EDF1: variants seen among roughly 807,000 people sequenced by gnomAD.
EDF1 encodes the protein endothelial differentiation related factor 1, also known as endothelial differentiation-related factor 1.
In EDF1, 5 loss-of-function variants were observed where a neutral mutation model predicts 20.8. The ratio of observed to expected loss-of-function variants is 0.24; its 90% CI spans 0.13 to 0.51. The LOEUF is 0.51. Ranked by LOEUF, EDF1 falls within the 20% of genes least tolerant of loss-of-function variation. The pLI, the probability that EDF1 is intolerant of heterozygous loss-of-function variation, is 0.97. For synonymous variants in EDF1, 96 were observed against 78.5 expected (o/e 1.22, Z -1.18); for missense variants, 137 against 197.8 (o/e 0.69, Z 1.84).
Position 136,863,701 on chromosome 9 carries a change from A to G in EDF1, c.130+119T>C, listed in dbSNP as rs1485435604. The G allele has an allele frequency of 1.1e-5, 14 of 1,323,042 alleles. No homozygotes were observed. The highest frequency in any genetic ancestry group is 1.5e-5 in the African/African-American group (1 of 68,658). 82.0% of individuals were successfully genotyped at this position (1,323,042 alleles called of 1,614,324 possible). A position where few individuals can be genotyped will look rare whatever the true frequency, so the allele number is the denominator to read the frequency against. ...GCTGCCTCCCAGGGCTCCGGCCAGC[A>G]CCGGTGCAGGCAGGCACTCAGCTGA... On this transcript the variant is annotated intron_variant, in intron 2 of 4. Transcript: ENST00000224073. This position sits in a 1 kb window ranked among gnomAD's most constrained non-coding sequence, Gnocchi z 4.5.
At position 136,862,617 on chromosome 9, in the gene EDF1, C is replaced by T. The variant is rs560052662; in HGVS notation, c.386-272G>A. On this transcript the variant is annotated intron_variant, in intron 4 of 4. Transcript: ENST00000224073. The surrounding 1 kb of genome is among the most constrained non-coding windows in gnomAD (Gnocchi z 4.1). ...CTTCCGGCCCCATGCTGACAGGGCC[C>T]GGACCCGCTGTGCTCAGGCTCAGAG... 25 of 1,526,450 alleles carry T rather than the reference C, an allele frequency of 1.6e-5. No homozygotes were observed. The African/African-American group carries it at 2.1e-4, about 13-fold the overall frequency. The allele number at this position is 1,526,450 out of a possible 1,614,324, so 94.6% of individuals were successfully genotyped here. A position where few individuals can be genotyped will look rare whatever the true frequency, so the allele number is the denominator to read the frequency against.
rs749782995 is a variant in EDF1 at position 136,862,861 on chromosome 9, GCC to G, written c.385+43_385+44del. The G allele has an allele frequency of 2.4e-5, 39 of 1,612,072 alleles. 1 individual carries two copies. In the Admixed American group the frequency reaches 3.2e-4, roughly 13 times the overall value. On this transcript the variant is annotated intron_variant, in intron 4 of 4. Transcript: ENST00000224073. The surrounding 1 kb of genome is among the most constrained non-coding windows in gnomAD (Gnocchi z 4.1). ...CACCAACCCCAGCTGGGAGCGGGTAGCCTCCCTGTTCAGCGGACCCGGCGAAG... is the reference window on the plus strand; with the variant it reads ...CACCAACCCCAGCTGGGAGCGGGTAGTCCCTGTTCAGCGGACCCGGCGAAG...
At position 136,863,875 on chromosome 9, in the gene EDF1, G is replaced by A; in HGVS notation, c.79-4C>T. 6.2e-7 allele frequency: 1 copy of A among 1,613,778 alleles called. No homozygotes were observed. The highest frequency in any genetic ancestry group is 1.1e-5 in the South Asian group (1 of 91,086). On this transcript the variant is annotated splice_polypyrimidine_tract_variant and splice_region_variant and intron_variant, in intron 1 of 4. Transcript: ENST00000224073. The surrounding 1 kb of genome is among the most constrained non-coding windows in gnomAD (Gnocchi z 4.5). ...GTCTCTGTGCCGCTAAGATAGCCTAGAAAATTAGAAAACATCAGTGGATCA... is the reference window on the plus strand; with the variant it reads ...GTCTCTGTGCCGCTAAGATAGCCTAAAAAATTAGAAAACATCAGTGGATCA...
At position 136,864,814 on chromosome 9, in the gene EDF1, G is replaced by A. The variant is rs186909785; in HGVS notation, c.79-943C>T. 4.9e-3 allele frequency among the ~76,000 whole-genome samples: 746 copies of A among 152,086 alleles called. 7 individuals carry two copies. Among genetic ancestry groups the A allele is most frequent in the African/African-American group, 0.017 (714 of 41,458 alleles). On this transcript the variant is annotated intron_variant, in intron 1 of 4. Transcript: ENST00000224073. Reference sequence around the variant, plus strand: ...AATTTTTTGTATTTTTAGTAGAGACGGGGTTTCACCATCTTGGCCAGGCTG... The same window carrying A: ...AATTTTTTGTATTTTTAGTAGAGACAGGGTTTCACCATCTTGGCCAGGCTG...
In EDF1 at chr9:136,862,494, C is replaced by T; in HGVS notation, c.386-149G>A. The T allele has an allele frequency of 6.2e-7, 1 of 1,612,010 alleles. No homozygotes were observed. The highest frequency in any genetic ancestry group is 8.5e-7 in the Non-Finnish European group (1 of 1,179,838). Reference sequence around the variant, plus strand: ...AGCACACGAGCACTCCTGGTTCCCACATCTAATTTTGAAGAGGATGAGTCT... The same window carrying T: ...AGCACACGAGCACTCCTGGTTCCCATATCTAATTTTGAAGAGGATGAGTCT... On this transcript the variant is annotated intron_variant, in intron 4 of 4. Transcript: ENST00000224073. The surrounding 1 kb of genome is among the most constrained non-coding windows in gnomAD (Gnocchi z 4.1).
At position 136,863,347 on chromosome 9, in the gene EDF1, C is replaced by T. The variant is rs1430737660; in HGVS notation, c.232G>A (p.Gly78Ser). 1 of 1,614,096 alleles carries T rather than the reference C, an allele frequency of 6.2e-7. No individual in the cohort carries two copies. Among genetic ancestry groups the T allele is most frequent in the East Asian group, 2.2e-5 (1 of 44,890 alleles). ...LHHDRVTLEV[G>S]KVIQQGRQSK... Reference sequence around the variant, plus strand: ...TGCCGACCTTGCTGGATCACCTTGCCCACCTCCAGGGTCACCCTGTCATGG... The same window carrying T: ...TGCCGACCTTGCTGGATCACCTTGCTCACCTCCAGGGTCACCCTGTCATGG... The change falls in exon 3 of 5, where the codon GGC becomes AGC. Residue 78 changes from glycine to serine, a missense_variant. Gly to Ser is a moderately conservative substitution (Grantham distance 56, BLOSUM62 0). Transcript: ENST00000224073. This position sits in a 1 kb window ranked among gnomAD's most constrained non-coding sequence, Gnocchi z 4.5.
In EDF1 at chr9:136,862,444, C is replaced by T. The variant is rs773070389; in HGVS notation, c.386-99G>A. The T allele has an allele frequency of 5.6e-6, 9 of 1,613,584 alleles. No homozygotes were observed. The highest frequency in any genetic ancestry group is 1.7e-4 in the Middle Eastern group (1 of 6,060). Reference sequence around the variant, plus strand: ...TCTTCCCAGGGAAGGGGGGCCACGCCGCTCCCGTGCCTCACTGGGCTCTCA... The same window carrying T: ...TCTTCCCAGGGAAGGGGGGCCACGCTGCTCCCGTGCCTCACTGGGCTCTCA... On this transcript the variant is annotated intron_variant, in intron 4 of 4. Coordinates refer to ENST00000224073, the MANE Select transcript of EDF1 (RefSeq NM_003792.4). The surrounding 1 kb of genome is among the most constrained non-coding windows in gnomAD (Gnocchi z 4.1).
At position 136,864,950 on chromosome 9, in the gene EDF1, C is replaced by T. The variant is rs569747383; in HGVS notation, c.79-1079G>A. ...CATTTCTACCACTTCAGAGGAGTGACTTGTGGAGCATCCTAAGTGTGATCT... is the reference window on the plus strand; with the variant it reads ...CATTTCTACCACTTCAGAGGAGTGATTTGTGGAGCATCCTAAGTGTGATCT... On this transcript the variant is annotated intron_variant, in intron 1 of 4. Coordinates refer to ENST00000224073, the MANE Select transcript of EDF1 (RefSeq NM_003792.4). Among the ~76,000 whole-genome samples the T allele has an allele frequency of 6.6e-5, 10 of 152,340 alleles. No homozygotes were observed. In the South Asian group the frequency reaches 2.1e-3, roughly 32 times the overall value.
chr9:136,864,630 C>A (rs956506059), intron 1 of EDF1, among the ~76,000 whole-genome samples: 2 of 146,578 alleles, frequency 1.4e-5, no homozygotes, highest in African/African-American at 5.0e-5. Context: ...TATTTATTAA[C>A]TTTTTTTTTT....
chr9:136,863,482 G>T lies in EDF1; in HGVS notation c.131-34C>A, dbSNP rs778714225. Reference sequence around the variant, plus strand: ...GGTGTGAGGCAAAAGCAGAGGAGAGGATTTGGAATTAACCTGAAGAAAAAC... The same window carrying T: ...GGTGTGAGGCAAAAGCAGAGGAGAGTATTTGGAATTAACCTGAAGAAAAAC... On this transcript the variant is annotated intron_variant, in intron 2 of 4. Coordinates refer to ENST00000224073, the MANE Select transcript of EDF1 (RefSeq NM_003792.4). This position sits in a 1 kb window ranked among gnomAD's most constrained non-coding sequence, Gnocchi z 4.5. 1 of 1,598,660 alleles carries T rather than the reference G, an allele frequency of 6.3e-7. No homozygotes were observed. The highest frequency in any genetic ancestry group is 8.6e-7 in the Non-Finnish European group (1 of 1,169,424).
Position 136,862,396 on chromosome 9 carries a change from C to G in EDF1, c.386-51G>C, listed in dbSNP as rs756005713. 3 of 1,613,966 alleles carry G rather than the reference C, an allele frequency of 1.9e-6. No homozygotes were observed. The South Asian group carries it at 3.3e-5, about 18-fold the overall frequency. On this transcript the variant is annotated intron_variant, in intron 4 of 4. Transcript: ENST00000224073. This position sits in a 1 kb window ranked among gnomAD's most constrained non-coding sequence, Gnocchi z 4.1. The stretch of plus-strand genomic sequence containing the variant: ...ACTGCAGCACCAGCTCCCTCCTCCC[C>G]CCAACGCTGCCCCTCTTCAACATCT...
At position 136,862,166 on chromosome 9, in the gene EDF1, G is replaced by A. The variant is rs1849110991; in HGVS notation, c.*118C>T. ...TTGACAGCAGGAATGGGCTGGGGAGGGTCCCCCGCAAGCTGGACCCCTTGT... is the reference window on the plus strand; with the variant it reads ...TTGACAGCAGGAATGGGCTGGGGAGAGTCCCCCGCAAGCTGGACCCCTTGT... On this transcript the variant is annotated 3_prime_UTR_variant, in exon 5 of 5. Coordinates refer to ENST00000224073, the MANE Select transcript of EDF1 (RefSeq NM_003792.4). This position sits in a 1 kb window ranked among gnomAD's most constrained non-coding sequence, Gnocchi z 4.1. 7.7e-7 allele frequency: 1 copy of A among 1,301,926 alleles called. No individual in the cohort carries two copies. 80.6% of individuals were successfully genotyped at this position (1,301,926 alleles called of 1,614,324 possible). A position where few individuals can be genotyped will look rare whatever the true frequency, so the allele number is the denominator to read the frequency against.
chr9:136,866,290 T>C lies in EDF1; in HGVS notation c.-32A>G, dbSNP rs1269556410. On this transcript the variant is annotated 5_prime_UTR_variant, in exon 1 of 5. Transcript: ENST00000224073. ...CGAAGACGAGCGTCCGTCCGGCGGC[T>C]CAGCGGCAGCTGCTAGAGACCTGGC... The C allele has an allele frequency of 1.9e-6, 3 of 1,590,694 alleles. No homozygotes were observed. The highest frequency in any genetic ancestry group is 1.4e-5 in the African/African-American group (1 of 72,360).
In EDF1 at chr9:136,862,516, G is replaced by A; in HGVS notation, c.386-171C>T. 1 of 1,609,506 alleles carries A rather than the reference G, an allele frequency of 6.2e-7. No individual in the cohort carries two copies. Among genetic ancestry groups the A allele is most frequent in the Non-Finnish European group, 8.5e-7 (1 of 1,179,708 alleles). ...CCACATCTAATTTTGAAGAGGATGA[G>A]TCTGATCACCTTAGACAGCAGAGCA... On this transcript the variant is annotated intron_variant, in intron 4 of 4. Coordinates refer to ENST00000224073, the MANE Select transcript of EDF1 (RefSeq NM_003792.4). The surrounding 1 kb of genome is among the most constrained non-coding windows in gnomAD (Gnocchi z 4.1).
At position 136,862,756 on chromosome 9, in the gene EDF1, T is replaced by C. The variant is rs529021075; in HGVS notation, c.385+150A>G. 2 of 1,587,056 alleles carry C rather than the reference T, an allele frequency of 1.3e-6. No homozygotes were observed. Among genetic ancestry groups the C allele is most frequent in the African/African-American group, 1.3e-5 (1 of 74,602 alleles). On this transcript the variant is annotated intron_variant, in intron 4 of 4. Coordinates refer to ENST00000224073, the MANE Select transcript of EDF1 (RefSeq NM_003792.4). The surrounding 1 kb of genome is among the most constrained non-coding windows in gnomAD (Gnocchi z 4.1). The stretch of plus-strand genomic sequence containing the variant: ...AGAGACCCCACCATCCCTCAGTCTG[T>C]ACTACCTGGAGAAGCAAAGCTCCAG...
intron 1 of EDF1, among the ~76,000 whole-genome samples, chr9:136,864,266 C>A (rs1467649896): frequency 2.6e-5 from 4 of 151,266 alleles, no homozygotes; most frequent in Non-Finnish European, 5.9e-5. Context: ...GAAAGACACA[C>A]TAGGGATTTT....
chr9:136,862,600 C>A lies in EDF1; in HGVS notation c.386-255G>T. The stretch of plus-strand genomic sequence containing the variant: ...GTCCTCTGTGGAACTGGCTTCCGGC[C>A]CCATGCTGACAGGGCCCGGACCCGC... On this transcript the variant is annotated intron_variant, in intron 4 of 4. Transcript: ENST00000224073. The surrounding 1 kb of genome is among the most constrained non-coding windows in gnomAD (Gnocchi z 4.1). The A allele has an allele frequency of 6.5e-7, 1 of 1,543,304 alleles. No homozygotes were observed. Among genetic ancestry groups the A allele is most frequent in the South Asian group, 1.2e-5 (1 of 85,248 alleles).
At position 136,862,531 on chromosome 9, in the gene EDF1, A is replaced by ACAG. The variant is rs1165950578; in HGVS notation, c.386-189_386-187dup. 6.2e-7 allele frequency: 1 copy of ACAG among 1,605,278 alleles called. No homozygotes were observed. Among genetic ancestry groups the ACAG allele is most frequent in the Non-Finnish European group, 8.5e-7 (1 of 1,179,024 alleles). On this transcript the variant is annotated intron_variant, in intron 4 of 4. Coordinates refer to ENST00000224073, the MANE Select transcript of EDF1 (RefSeq NM_003792.4). This position sits in a 1 kb window ranked among gnomAD's most constrained non-coding sequence, Gnocchi z 4.1. ...AAGAGGATGAGTCTGATCACCTTAG[A>ACAG]CAGCAGAGCATGAACACCCCTCTCC...
rs1370471030 is a variant in EDF1 at position 136,863,381 on chromosome 9, C to T, written c.198G>A (p.Glu66=). The T allele has an allele frequency of 2.5e-6, 4 of 1,614,044 alleles. No homozygotes were observed. The highest frequency in any genetic ancestry group is 3.4e-6 in the Non-Finnish European group (4 of 1,180,026). ...KNTAKLDRET[E]ELHHDRVTLE... ...GGGTCACCCTGTCATGGTGCAGCTC[C>T]TCTGTCTCCCGGTCCAGCTTGGCCG... The change falls in exon 3 of 5, where the codon GAG becomes GAA. Residue 66 remains glutamate (E), a synonymous_variant. Transcript: ENST00000224073. The surrounding 1 kb of genome is among the most constrained non-coding windows in gnomAD (Gnocchi z 4.5).
Sources: gnomAD v4.1 joint callset for allele counts (sites outside exome capture counted in the v4.1 genomes callset) on GRCh38, gnomAD v4.1.1 for gene constraint, Gnocchi (gnomAD v3.1) non-coding constraint, MANE v1.5 for transcripts, NCBI Gene and HGNC (gene_info 2026-07-23, HGNC 2026-07-21) for gene names.